MEP1B: variants seen among roughly 807,000 people sequenced by gnomAD.
The protein encoded by MEP1B is meprin A subunit beta.
In MEP1B, 80 loss-of-function variants were observed where a neutral mutation model predicts 84.6. The observed-to-expected ratio is 0.95, with a 90% CI of 0.79 to 1.14. MEP1B has a LOEUF of 1.14. MEP1B is among the 50% of genes most tolerant of loss of function. The pLI is 0.00. For synonymous variants in MEP1B, 273 were observed against 288.1 expected, an observed-to-expected ratio of 0.95 and a Z score of 0.53; for missense variants, 766 against 855.1, an observed-to-expected ratio of 0.90 and a Z score of 1.30.
chr18:32,208,024 C>T, intron 8 of MEP1B, 95 bp from the exon 9 acceptor site: 1 of 1,333,116 alleles, frequency 7.5e-7, no homozygotes, highest in Non-Finnish European at 1.0e-6. Context: ...CCTGTAATAC[C>T]AACCTGGCAT....
At chr18:32,198,850 C>T (rs2040881316) in intron 5 of MEP1B, among the ~76,000 whole-genome samples, 1 of 151,962 alleles carries the variant, frequency 6.6e-6, no homozygotes, top group Non-Finnish European at 1.5e-5. Context: ...GATAGGGAGA[C>T]CAGTTAGAAA....
intron 9 of MEP1B, among the ~76,000 whole-genome samples, chr18:32,209,301 A>G (rs1263125261): frequency 6.6e-6 from 1 of 152,168 alleles, no homozygotes; most frequent in Admixed American, 6.5e-5. Flanking sequence ...AGCTGGGCCA[A>G]CATGGTGAAA....
chr18:32,199,332 T>G (rs1020409534), intron 5 of MEP1B, among the ~76,000 whole-genome samples: 2 of 152,180 alleles, frequency 1.3e-5, no homozygotes, highest in Admixed American at 6.5e-5. Context: ...TGGAAGGTTG[T>G]GTTGAATAAG....
chr18:32,208,367 G>C, intron 9 of MEP1B, 96 bp downstream of exon 9: 1 of 1,236,174 alleles, frequency 8.1e-7, no homozygotes, highest in Non-Finnish European at 1.1e-6. Flanking sequence ...ATTTCTATCA[G>C]AATTATTAAT....
chr18:32,208,291 C>A lies in MEP1B; in HGVS notation c.919+20C>A. 6.2e-7 allele frequency: 1 copy of A among 1,601,564 alleles called. No homozygotes were observed. Among genetic ancestry groups the A allele is most frequent in the Non-Finnish European group, 8.5e-7 (1 of 1,171,392 alleles). On this transcript the variant is annotated intron_variant, in intron 9 of 14. Transcript: ENST00000269202. ...GCCAAGGTAACAGGAGTGAGATATTCCTAGACTGTATACTCAGTGGCTACA... is the reference window on the plus strand; with the variant it reads ...GCCAAGGTAACAGGAGTGAGATATTACTAGACTGTATACTCAGTGGCTACA...
chr18:32,198,553 G>C (rs759243886), intron 5 of MEP1B, among the ~76,000 whole-genome samples: 2 of 152,210 alleles, frequency 1.3e-5, no homozygotes, highest in Non-Finnish European at 2.9e-5. Flanking sequence ...GATAGCAAGG[G>C]AAGGGTGCTT....
chr18:32,218,614 T>C (rs1477350861), intron 14 of MEP1B, among the ~76,000 whole-genome samples: 4 of 152,076 alleles, frequency 2.6e-5, no homozygotes, highest in Non-Finnish European at 5.9e-5. Flanking sequence ...GGAACACGTA[T>C]AATAGGCTGA....
intron 9 of MEP1B, among the ~76,000 whole-genome samples, chr18:32,209,179 T>A (rs1036261967): frequency 6.6e-6 from 1 of 152,210 alleles, no homozygotes; most frequent in Admixed American, 6.5e-5. Flanking sequence ...ACTAAGCGAA[T>A]ACTTGAAATA....
intron 5 of MEP1B, among the ~76,000 whole-genome samples, chr18:32,199,570 T>C (rs1278775179): frequency 6.7e-6 from 1 of 149,506 alleles, no homozygotes; most frequent in Non-Finnish European, 1.5e-5. Flanking sequence ...ATTAGGAACC[T>C]GAAAGATTTT....
intron 7 of MEP1B, among the ~76,000 whole-genome samples, chr18:32,206,813 T>G (rs1042224002): frequency 5.3e-5 from 8 of 152,158 alleles, no homozygotes; most frequent in African/African-American, 1.9e-4. Context: ...GGTTTCACCA[T>G]GTTGGTCAGG....
chr18:32,209,238 G>C (rs954043535), intron 9 of MEP1B, among the ~76,000 whole-genome samples: 2 of 152,156 alleles, frequency 1.3e-5, no homozygotes, highest in African/African-American at 4.8e-5. Context: ...TGTAATCCCC[G>C]GCCTTTGGGA....
chr18:32,212,827 A>G (rs1401127651), intron 10 of MEP1B, among the ~76,000 whole-genome samples: 1 of 152,180 alleles, frequency 6.6e-6, no homozygotes, highest in Non-Finnish European at 1.5e-5. Flanking sequence ...GTAGGGCATG[A>G]AGTACTCATG....
rs550335822 is a variant in MEP1B at position 32,215,291 on chromosome 18, C to A, written c.1759+30C>A. ...GTCAATAAAAATAGTTTTATATAAA[C>A]TAGTTTTTTTTTGTTGTGGCCACTG... On this transcript the variant is annotated intron_variant, in intron 12 of 14. Coordinates refer to ENST00000269202, the MANE Select transcript of MEP1B (RefSeq NM_005925.3). 3.3e-5 allele frequency: 48 copies of A among 1,449,526 alleles called. No individual in the cohort carries two copies. In the African/African-American group the frequency reaches 6.4e-4, roughly 19 times the overall value. 89.8% of individuals were successfully genotyped at this position (1,449,526 alleles called of 1,614,324 possible).
intron 12 of MEP1B, among the ~76,000 whole-genome samples, chr18:32,215,794 A>C (rs1274368053): frequency 6.6e-6 from 1 of 152,182 alleles, no homozygotes; most frequent in Non-Finnish European, 1.5e-5. Flanking sequence ...ACTGCACTCC[A>C]GCCTGGGCCA....
Position 32,196,421 on chromosome 18 carries a change from G to C in MEP1B, c.250+936G>C, listed in dbSNP as rs2040855407. 10 of 695,124 alleles carry C rather than the reference G, an allele frequency of 1.4e-5. No homozygotes were observed. Among genetic ancestry groups the C allele is most frequent in the Admixed American group, 4.0e-5 (2 of 49,462 alleles). 43.1% of individuals were successfully genotyped at this position (695,124 alleles called of 1,614,324 possible). On this transcript the variant is annotated intron_variant, in intron 5 of 14. Coordinates refer to ENST00000269202, the MANE Select transcript of MEP1B (RefSeq NM_005925.3). The surrounding 1 kb of genome is among the most constrained non-coding windows in gnomAD (Gnocchi z 4.4). ...GTCTTCTCCTGGTCCTCGCCCAGCT[G>C]GGTCTTACAGAGGGTGTGCAGCCAG...
At chr18:32,206,141 C>T (rs1180503853) in intron 7 of MEP1B, among the ~76,000 whole-genome samples, 1 of 151,948 alleles carries the variant, frequency 6.6e-6, no homozygotes, top group Non-Finnish European at 1.5e-5. Context: ...GCCACCACAC[C>T]CGGCTAATTT....
rs1356169129 is a variant in MEP1B at position 32,213,114 on chromosome 18, A to G, written c.1136-2A>G. 1.2e-6 allele frequency: 2 copies of G among 1,611,238 alleles called. No homozygotes were observed. On this transcript the variant is annotated splice_acceptor_variant, in intron 10 of 14. Transcript: ENST00000269202. LOFTEE classifies it high-confidence loss of function. ...TTTGAAATAATAATGACTCTTTTGCAGAAATACCCACTGGGAGCTGGCAAC... is the reference window on the plus strand; with the variant it reads ...TTTGAAATAATAATGACTCTTTTGCGGAAATACCCACTGGGAGCTGGCAAC...
chr18:32,197,999 C>A (rs756658973), intron 5 of MEP1B, among the ~76,000 whole-genome samples: 1 of 152,142 alleles, frequency 6.6e-6, no homozygotes, highest in Non-Finnish European at 1.5e-5. Flanking sequence ...GGAAACCCTG[C>A]TATTTTTCTT....
chr18:32,196,607 C>T lies in MEP1B; in HGVS notation c.250+1122C>T, dbSNP rs1043283874. Reference sequence around the variant, plus strand: ...CCAGGAAGCACAGCGACAGGTCGTACTCCATCACCCTGTGCAGCACCCGCC... The same window carrying T: ...CCAGGAAGCACAGCGACAGGTCGTATTCCATCACCCTGTGCAGCACCCGCC... On this transcript the variant is annotated intron_variant, in intron 5 of 14. Coordinates refer to ENST00000269202, the MANE Select transcript of MEP1B (RefSeq NM_005925.3). This position sits in a 1 kb window ranked among gnomAD's most constrained non-coding sequence, Gnocchi z 4.4. 4.4e-5 allele frequency: 32 copies of T among 722,738 alleles called. No homozygotes were observed. Among genetic ancestry groups the T allele is most frequent in the Non-Finnish European group, 7.1e-5 (28 of 393,746 alleles). 44.8% of individuals were successfully genotyped at this position (722,738 alleles called of 1,614,324 possible).
Sources: gnomAD v4.1 joint callset for allele counts (sites outside exome capture counted in the v4.1 genomes callset) on GRCh38, gnomAD v4.1.1 for gene constraint, Gnocchi (gnomAD v3.1) non-coding constraint, MANE v1.5 for transcripts, NCBI Gene and HGNC (gene_info 2026-07-23, HGNC 2026-07-21) for gene names.